Variants in ALDH1B1 observed in about 807,000 individuals in gnomAD.
The protein encoded by ALDH1B1 is aldehyde dehydrogenase 1 family member B1.
Under a neutral mutation model 26.2 loss-of-function variants are expected in ALDH1B1, and 19 were observed. That is an observed-to-expected ratio of 0.72 (90% CI 0.51 to 1.06). The LOEUF (loss-of-function observed/expected upper bound fraction) is 1.06, where lower values mean the gene tolerates loss of function less well. Ranked by LOEUF, ALDH1B1 falls within the 50% of genes least tolerant of loss-of-function variation. The probability of loss-of-function intolerance (pLI) is 0.00; values close to 1 mark genes in which losing one functional copy is unlikely to be tolerated. For missense variants in ALDH1B1, 671 were observed against 683.1 expected (o/e 0.98, Z 0.20); for synonymous variants, 249 against 286.0 (o/e 0.87, Z 1.31).
rs1393766861 is a variant in ALDH1B1 at position 38,392,769 on chromosome 9, C to T, written c.-48C>T. ...GAGCTGGGAGGGCCGGAACCAGAAC[C>T]CAAGCGTGATCCTGAACCGGAGCCC... On this transcript the variant is annotated 5_prime_UTR_variant, in exon 1 of 2. Coordinates refer to ENST00000377698, the MANE Select transcript of ALDH1B1 (RefSeq NM_000692.5). 1 of 985,490 alleles carries T rather than the reference C, an allele frequency of 1.0e-6. No individual in the cohort carries two copies. Among genetic ancestry groups the T allele is most frequent in the African/African-American group, 1.7e-5 (1 of 57,242 alleles). 61.0% of individuals were successfully genotyped at this position (985,490 alleles called of 1,614,324 possible). A position where few individuals can be genotyped will look rare whatever the true frequency, so the allele number is the denominator to read the frequency against.
chr9:38,393,422 A>T (rs912655229), intron 1 of ALDH1B1, among the ~76,000 whole-genome samples: 2 of 152,170 alleles, frequency 1.3e-5, no homozygotes, highest in African/African-American at 4.8e-5. Context: ...GCAAACTGTA[A>T]AGCATGATGC....
chr9:38,397,535 C>G lies in ALDH1B1; in HGVS notation c.*233C>G. 1.8e-6 allele frequency: 1 copy of G among 569,264 alleles called. No individual in the cohort carries two copies. The allele number at this position is 569,264 out of a possible 1,614,324, so 35.3% of individuals were successfully genotyped here. On this transcript the variant is annotated 3_prime_UTR_variant, in exon 2 of 2. Coordinates refer to ENST00000377698, the MANE Select transcript of ALDH1B1 (RefSeq NM_000692.5). ...CCCAACCACAGCCCCCTTGGTGGCC[C>G]ATGAGTTGCTTCCATGAAATCTTAG...
At position 38,395,932 on chromosome 9, in the gene ALDH1B1, G is replaced by T. The variant is rs201149473; in HGVS notation, c.184G>T (p.Gly62Trp). Residue 62 changes from glycine to tryptophan, a missense_variant, in exon 2 of 2, where the codon GGG (glycine) becomes TGG (tryptophan). By Grantham distance (184) the Gly-to-Trp change is radical. Coordinates refer to ENST00000377698, the MANE Select transcript of ALDH1B1 (RefSeq NM_000692.5). ...CTTCCCGACGGTCAACCCTACCACC[G>T]GGGAGGTCATTGGGCACGTGGCTGA... Reference protein sequence around the residue: ...KTFPTVNPTTGEVIGHVAEGD... With the variant: ...KTFPTVNPTTWEVIGHVAEGD... The T allele has an allele frequency of 1.7e-4, 280 of 1,613,634 alleles. No homozygotes were observed. The highest frequency in any genetic ancestry group is 2.2e-4 in the Non-Finnish European group (265 of 1,179,978).
rs1274704748 is a variant in ALDH1B1, at chr9:38,393,006, C to G, written c.-10+199C>G. 5.3e-5 allele frequency among the ~76,000 whole-genome samples: 8 copies of G among 152,322 alleles called. No homozygotes were observed. In the East Asian group the frequency reaches 1.5e-3, roughly 29 times the overall value. On this transcript the variant is annotated intron_variant, in intron 1 of 1. Coordinates refer to ENST00000377698, the MANE Select transcript of ALDH1B1 (RefSeq NM_000692.5). ...TACAGGAGCCCCGAGGACACAGACG[C>G]CCCCAGACCTTACCACGTTAGCTCG...
rs563271105 is a variant in ALDH1B1 at position 38,396,242 on chromosome 9, G to T, written c.494G>T (p.Gly165Val). The T allele has an allele frequency of 1.6e-4, 254 of 1,614,182 alleles. 1 individual carries two copies. In the South Asian group the frequency reaches 2.6e-3, roughly 17 times the overall value. The change falls in exon 2 of 2, where the codon GGC becomes GTC. Residue 165 changes from glycine to valine, a missense_variant. Gly to Val is a moderately radical substitution (Grantham distance 109). Coordinates refer to ENST00000377698, the MANE Select transcript of ALDH1B1 (RefSeq NM_000692.5). ...CATGGCAAGACCATCCCCATGGATGGCCAGCATTTCTGCTTCACCCGGCAT... is the reference window on the plus strand; with the variant it reads ...CATGGCAAGACCATCCCCATGGATGTCCAGCATTTCTGCTTCACCCGGCAT... ...KWHGKTIPMD[G>V]QHFCFTRHEP...
rs544679803 is a variant in ALDH1B1, at chr9:38,393,825, T to C, written c.-10+1018T>C. Among the ~76,000 whole-genome samples the C allele has an allele frequency of 1.9e-3, 179 of 93,938 alleles. 1 individual carries two copies. The highest frequency in any genetic ancestry group is 8.0e-3 in the South Asian group (17 of 2,118). The allele number at this position is 93,938 out of a possible 152,430, so 61.6% of individuals were successfully genotyped here. ...TCTTTAATTCTTAGTATCCCCCCCT[T>C]TTTTTTTTTCATTTTTCTCCTTTTT... On this transcript the variant is annotated intron_variant, in intron 1 of 1. Transcript: ENST00000377698.
rs779426610 is a variant in ALDH1B1 at position 38,397,189 on chromosome 9, C to A, written c.1441C>A (p.Pro481Thr). 1.9e-6 allele frequency: 3 copies of A among 1,613,930 alleles called. No homozygotes were observed. The African/African-American group carries it at 4.0e-5, about 22-fold the overall frequency. The change falls in exon 2 of 2, where the codon CCA (proline) becomes ACA (threonine). Residue 481 changes from proline to threonine, a missense_variant. Coordinates refer to ENST00000377698, the MANE Select transcript of ALDH1B1 (RefSeq NM_000692.5). ...CTACAACATCGTCACCTGCCACACGCCATTTGGAGGGTTTAAGGAATCTGG... is the reference window on the plus strand; with the variant it reads ...CTACAACATCGTCACCTGCCACACGACATTTGGAGGGTTTAAGGAATCTGG... ...NTYNIVTCHT[P>T]FGGFKESGNG...
Position 38,395,923 on chromosome 9 carries a change from C to G in ALDH1B1, c.175C>G (p.Pro59Ala), listed in dbSNP as rs1474306609. Residue 59 changes from proline (P) to alanine (A), a missense_variant, in exon 2 of 2, where the codon CCT becomes GCT. Pro to Ala is a conservative substitution (Grantham distance 27). Coordinates refer to ENST00000377698, the MANE Select transcript of ALDH1B1 (RefSeq NM_000692.5). Reference protein sequence around the residue: ...VSKKTFPTVNPTTGEVIGHVA... With the variant: ...VSKKTFPTVNATTGEVIGHVA... ...CAAGAAGACCTTCCCGACGGTCAAC[C>G]CTACCACCGGGGAGGTCATTGGGCA... 1.9e-6 allele frequency: 3 copies of G among 1,613,902 alleles called. No individual in the cohort carries two copies. The highest frequency in any genetic ancestry group is 1.1e-5 in the South Asian group (1 of 91,090).
chr9:38,395,716 C>G, intron 1 of ALDH1B1, 24 bp from the exon 2 acceptor site: 2 of 1,541,926 alleles, frequency 1.3e-6, no homozygotes. Context: ...CCTGTTCACC[C>G]TGGTTTCTTT....
In ALDH1B1 at chr9:38,397,501, T is replaced by C; in HGVS notation, c.*199T>C. On this transcript the variant is annotated 3_prime_UTR_variant, in exon 2 of 2. Transcript: ENST00000377698. The stretch of plus-strand genomic sequence containing the variant: ...TGGGGACCAGGCTCAGAGTTCTACC[T>C]ATCTAACCCCCAACCACAGCCCCCT... 1.3e-6 allele frequency: 1 copy of C among 789,286 alleles called. No individual in the cohort carries two copies. Among genetic ancestry groups the C allele is most frequent in the Non-Finnish European group, 1.9e-6 (1 of 514,248 alleles). 48.9% of individuals were successfully genotyped at this position (789,286 alleles called of 1,614,324 possible).
rs1563914542 is a variant in ALDH1B1 at position 38,395,898 on chromosome 9, CAAG to C, written c.155_157del (p.Lys52del). On this transcript the variant is annotated inframe_deletion, in exon 2 of 2. Coordinates refer to ENST00000377698, the MANE Select transcript of ALDH1B1 (RefSeq NM_000692.5). ...ACAATGAATGGCAAGATGCAGTCAG[CAAG>C]AAGACCTTCCCGACGGTCAACCCTA... 2 of 1,613,866 alleles carry C rather than the reference CAAG, an allele frequency of 1.2e-6. No homozygotes were observed. Among genetic ancestry groups the C allele is most frequent in the Non-Finnish European group, 1.7e-6 (2 of 1,180,018 alleles).
chr9:38,396,812 AC>A lies in ALDH1B1; in HGVS notation c.1065del (p.Asp355GlufsTer17). 1 of 1,614,212 alleles carries A rather than the reference AC, an allele frequency of 6.2e-7. No homozygotes were observed. Among genetic ancestry groups the A allele is most frequent in the Non-Finnish European group, 8.5e-7 (1 of 1,180,040 alleles). On this transcript the variant is annotated frameshift_variant, in exon 2 of 2. Transcript: ENST00000377698. LOFTEE classifies it high-confidence loss of function. ...QRKVGNPFEL[D>X]TQQGPQVDKE... ...AAAGTGGGGAACCCCTTTGAGCTGG[AC>A]ACCCAGCAGGGGCCTCAGGTGGACA...
At position 38,392,825 on chromosome 9, in the gene ALDH1B1, C is replaced by T. The variant is rs1213712940; in HGVS notation, c.-10+18C>T. ...TGCTGCAGGTAACTAACGCTGGTCT[C>T]CCCTCGGCTCCCTCGGGAAGCCGCA... is the stretch of plus-strand genomic sequence containing the variant. On this transcript the variant is annotated intron_variant, in intron 1 of 1. Transcript: ENST00000377698. The T allele has an allele frequency of 9.1e-6, 9 of 985,632 alleles. No homozygotes were observed. The highest frequency in any genetic ancestry group is 1.1e-5 in the Non-Finnish European group (9 of 830,196). The allele number at this position is 985,632 out of a possible 1,614,324, so 61.1% of individuals were successfully genotyped here.
chr9:38,392,721 A>G lies in ALDH1B1; in HGVS notation c.-96A>G, dbSNP rs1318752481. 2 of 985,438 alleles carry G rather than the reference A, an allele frequency of 2.0e-6. No individual in the cohort carries two copies. Among genetic ancestry groups the G allele is most frequent in the South Asian group, 9.4e-5 (2 of 21,298 alleles). The allele number at this position is 985,438 out of a possible 1,614,324, so 61.0% of individuals were successfully genotyped here. ...CTGCGCGGAGGCGGGACCTGCGGCCAGCCCTGGGCGGCCATGTGGACAGAG... is the reference window on the plus strand; with the variant it reads ...CTGCGCGGAGGCGGGACCTGCGGCCGGCCCTGGGCGGCCATGTGGACAGAG... On this transcript the variant is annotated 5_prime_UTR_variant, in exon 1 of 2. Coordinates refer to ENST00000377698, the MANE Select transcript of ALDH1B1 (RefSeq NM_000692.5).
intron 1 of ALDH1B1, among the ~76,000 whole-genome samples, chr9:38,394,924 C>T (rs1463932991): frequency 2.0e-5 from 3 of 152,300 alleles, no homozygotes; most frequent in East Asian, 3.9e-4. Flanking sequence ...TCTCAGCTGC[C>T]TCCTGACTTG....
Position 38,396,775 on chromosome 9 carries a change from G to A in ALDH1B1, c.1027G>A (p.Ala343Thr), listed in dbSNP as rs771404805. Residue 343 changes from alanine to threonine, a missense_variant, in exon 2 of 2, where the codon GCA (alanine) becomes ACA (threonine). Transcript: ENST00000377698. ...GTTTCTCGAGAGAACCGTGGAGAAA[G>A]CAAAGCAGAGGAAAGTGGGGAACCC... Reference protein sequence around the residue: ...NEFLERTVEKAKQRKVGNPFE... With the variant: ...NEFLERTVEKTKQRKVGNPFE... The A allele has an allele frequency of 1.2e-6, 2 of 1,614,190 alleles. No individual in the cohort carries two copies. Among genetic ancestry groups the A allele is most frequent in the East Asian group, 4.5e-5 (2 of 44,868 alleles).
rs762225520 is a variant in ALDH1B1 at position 38,396,830 on chromosome 9, A to G, written c.1082A>G (p.Gln361Arg). 12 of 1,614,122 alleles carry G rather than the reference A, an allele frequency of 7.4e-6. No individual in the cohort carries two copies. Among genetic ancestry groups the G allele is most frequent in the Non-Finnish European group, 8.5e-6 (10 of 1,180,050 alleles). Residue 361 changes from glutamine to arginine, a missense_variant, in exon 2 of 2, where the codon CAG becomes CGG. Transcript: ENST00000377698. ...PFELDTQQGPQVDKEQFERVL... is the reference protein window; with the variant it reads ...PFELDTQQGPRVDKEQFERVL... ...GAGCTGGACACCCAGCAGGGGCCTC[A>G]GGTGGACAAGGAGCAGTTTGAACGA... is the stretch of plus-strand genomic sequence containing the variant.
rs1821327594 is a variant in ALDH1B1 at position 38,398,289 on chromosome 9, T to C, written c.*987T>C. On this transcript the variant is annotated 3_prime_UTR_variant, in exon 2 of 2. Coordinates refer to ENST00000377698, the MANE Select transcript of ALDH1B1 (RefSeq NM_000692.5). ...ACTATGGAATTGTTTAATTATGGTATATGAATTAATTTCTTTCTTTTTTTC... is the reference window on the plus strand; with the variant it reads ...ACTATGGAATTGTTTAATTATGGTACATGAATTAATTTCTTTCTTTTTTTC... 1 of 166,728 alleles carries C rather than the reference T, an allele frequency of 6.0e-6. No individual in the cohort carries two copies. The highest frequency in any genetic ancestry group is 1.5e-5 in the Non-Finnish European group (1 of 68,092). 10.3% of individuals were successfully genotyped at this position (166,728 alleles called of 1,614,324 possible).
At position 38,396,622 on chromosome 9, in the gene ALDH1B1, A is replaced by G; in HGVS notation, c.874A>G (p.Ser292Gly). 3 of 1,614,130 alleles carry G rather than the reference A, an allele frequency of 1.9e-6. No individual in the cohort carries two copies. Among genetic ancestry groups the G allele is most frequent in the Non-Finnish European group, 2.5e-6 (3 of 1,180,024 alleles). Reference protein sequence around the residue: ...VTLELGGKSPSIVLADADMEH... With the variant: ...VTLELGGKSPGIVLADADMEH... Reference sequence around the variant, plus strand: ...CCTGGAGCTGGGTGGTAAGAGCCCCAGCATCGTGCTGGCCGATGCTGACAT... The same window carrying G: ...CCTGGAGCTGGGTGGTAAGAGCCCCGGCATCGTGCTGGCCGATGCTGACAT... The change falls in exon 2 of 2, where the codon AGC becomes GGC. Residue 292 changes from serine to glycine, a missense_variant. Ser to Gly is a moderately conservative substitution (Grantham distance 56). Transcript: ENST00000377698.
Sources: gnomAD v4.1 joint callset for allele counts (sites outside exome capture counted in the v4.1 genomes callset) on GRCh38, gnomAD v4.1.1 for gene constraint, MANE v1.5 for transcripts, NCBI Gene and HGNC (gene_info 2026-07-23, HGNC 2026-07-21) for gene names.